The following RAB24 variants were observed in gnomAD, a reference collection of about 807,000 sequenced individuals.
RAB24 encodes ras-related protein Rab-24.
In RAB24, 9 loss-of-function variants were observed where a neutral mutation model predicts 31.4. That is an observed-to-expected ratio of 0.29 (90% confidence interval 0.17 to 0.50). RAB24 has a LOEUF of 0.50. Ranked by LOEUF, RAB24 falls within the 20% of genes least tolerant of loss-of-function variation. RAB24 has a pLI of 0.98. For missense variants in RAB24, 197 were observed against 265.2 expected, an observed-to-expected ratio of 0.74 and a Z score of 1.79; for synonymous variants, 106 against 94.1, an observed-to-expected ratio of 1.13 and a Z score of -0.73.
chr5:177,303,080 G>A lies in RAB24; in HGVS notation c.118-3C>T. On this transcript the variant is annotated splice_polypyrimidine_tract_variant and splice_region_variant and intron_variant, in intron 1 of 7. Coordinates refer to ENST00000303251, the MANE Select transcript of RAB24 (RefSeq NM_001031677.4). The surrounding 1 kb of genome is among the most constrained non-coding windows in gnomAD (Gnocchi z 6.1). ...GCCACGAAGGCGGCCCCGATGGTCT[G>A]CAACGAGAGGGAAGAGATCGGGGCC... The A allele has an allele frequency of 6.2e-7, 1 of 1,614,054 alleles. No homozygotes were observed. Among genetic ancestry groups the A allele is most frequent in the Non-Finnish European group, 8.5e-7 (1 of 1,180,030 alleles).
rs1161676968 is a variant in RAB24, at chr5:177,301,920, C to T, written c.547+5G>A. On this transcript the variant is annotated splice_donor_5th_base_variant and intron_variant, in intron 7 of 7. Coordinates refer to ENST00000303251, the MANE Select transcript of RAB24 (RefSeq NM_001031677.4). ...AGTCTCCATAAAGGCTGGGGAAGCA[C>T]ACACCTGTCATCACCTGGAAGGCAG... The T allele has an allele frequency of 6.2e-7, 1 of 1,614,144 alleles. No homozygotes were observed. The highest frequency in any genetic ancestry group is 8.5e-7 in the Non-Finnish European group (1 of 1,179,962).
Position 177,301,681 on chromosome 5 carries a change from G to A in RAB24, c.*62C>T. ...ACATTTGACTACCCAAGCCCAGAAA[G>A]GAGCTGGGTCCAGCCCTTACGGGGA... is the stretch of plus-strand genomic sequence containing the variant. On this transcript the variant is annotated 3_prime_UTR_variant, in exon 8 of 8. Transcript: ENST00000303251. 1.9e-6 allele frequency: 3 copies of A among 1,586,254 alleles called. No individual in the cohort carries two copies. Among genetic ancestry groups the A allele is most frequent in the Non-Finnish European group, 2.6e-6 (3 of 1,155,398 alleles).
chr5:177,301,686 TGGGTCCAGC>T lies in RAB24; in HGVS notation c.*48_*56del. The T allele has an allele frequency of 6.3e-7, 1 of 1,593,734 alleles. No individual in the cohort carries two copies. Among genetic ancestry groups the T allele is most frequent in the Non-Finnish European group, 8.6e-7 (1 of 1,161,896 alleles). The stretch of plus-strand genomic sequence containing the variant: ...TGACTACCCAAGCCCAGAAAGGAGC[TGGGTCCAGC>T]CCTTACGGGGAATTCCTTTAATTCC... On this transcript the variant is annotated 3_prime_UTR_variant, in exon 8 of 8. Coordinates refer to ENST00000303251, the MANE Select transcript of RAB24 (RefSeq NM_001031677.4).
Position 177,302,801 on chromosome 5 carries a change from G to C in RAB24, c.216C>G (p.Ala72=). Residue 72 remains alanine (A), a synonymous_variant, in exon 3 of 8, where the codon GCC becomes GCG. Transcript: ENST00000303251. ...CACCCCGATAGTAGATTCTACTCAT[G>C]GCCTCATAGCGCTCAGAGCCTGCTG... is the stretch of plus-strand genomic sequence containing the variant. ...WDTAGSERYE[A]MSRIYYRGAK... 1 of 1,611,222 alleles carries C rather than the reference G, an allele frequency of 6.2e-7. No individual in the cohort carries two copies. The highest frequency in any genetic ancestry group is 8.5e-7 in the Non-Finnish European group (1 of 1,179,666).
In RAB24 at chr5:177,303,383, A is replaced by C; in HGVS notation, c.-95T>G. On this transcript the variant is annotated 5_prime_UTR_variant, in exon 1 of 8. Coordinates refer to ENST00000303251, the MANE Select transcript of RAB24 (RefSeq NM_001031677.4). The surrounding 1 kb of genome is among the most constrained non-coding windows in gnomAD (Gnocchi z 6.1). ...GGCCCAGGCAGCGCCCAAGCCTCAG[A>C]CCCCGACCCCAAACGGCGCCAACCT... 3 of 1,236,040 alleles carry C rather than the reference A, an allele frequency of 2.4e-6. No individual in the cohort carries two copies. In the East Asian group the frequency reaches 7.0e-5, roughly 29 times the overall value. 76.6% of individuals were successfully genotyped at this position (1,236,040 alleles called of 1,614,324 possible).
Position 177,303,144 on chromosome 5 carries a change from C to T in RAB24, c.117+28G>A. ...ACCGGCCCCCCACTCCCCCGCCCAC[C>T]GTGCCTGGCCCCTCCGGATGCACTC... On this transcript the variant is annotated intron_variant, in intron 1 of 7. Coordinates refer to ENST00000303251, the MANE Select transcript of RAB24 (RefSeq NM_001031677.4). This position sits in a 1 kb window ranked among gnomAD's most constrained non-coding sequence, Gnocchi z 6.1. 1 of 1,613,408 alleles carries T rather than the reference C, an allele frequency of 6.2e-7. No individual in the cohort carries two copies. The highest frequency in any genetic ancestry group is 8.5e-7 in the Non-Finnish European group (1 of 1,179,768).
chr5:177,302,465 C>T lies in RAB24; in HGVS notation c.365G>A (p.Ser122Asn), dbSNP rs1460823901. 2 of 1,614,028 alleles carry T rather than the reference C, an allele frequency of 1.2e-6. No individual in the cohort carries two copies. The highest frequency in any genetic ancestry group is 1.7e-6 in the Non-Finnish European group (2 of 1,180,048). Residue 122 changes from serine (S) to asparagine (N), a missense_variant, in exon 5 of 8, where the codon AGT becomes AAT. Coordinates refer to ENST00000303251, the MANE Select transcript of RAB24 (RefSeq NM_001031677.4). Reference sequence around the variant, plus strand: ...CCTCCGGTCTTCTTCCAGCAGGTCACTCTTGGTGCCACATAAGTAGATTTG... The same window carrying T: ...CCTCCGGTCTTCTTCCAGCAGGTCATTCTTGGTGCCACATAAGTAGATTTG... ...GCQIYLCGTK[S>N]DLLEEDRRRR... is the part of the protein sequence containing the mutation.
In RAB24 at chr5:177,302,430, C is replaced by A; in HGVS notation, c.400G>T (p.Val134Leu). Residue 134 changes from valine to leucine, a missense_variant, in exon 5 of 8, where the codon GTG becomes TTG. Transcript: ENST00000303251. The stretch of plus-strand genomic sequence containing the variant: ...TAGTCCTGGACGTCGTGGAAGTCCA[C>A]ACGTCGACGCCTCCGGTCTTCTTCC... ...LLEEDRRRRR[V>L]DFHDVQDYAD... 4 of 1,613,666 alleles carry A rather than the reference C, an allele frequency of 2.5e-6. No individual in the cohort carries two copies. Among genetic ancestry groups the A allele is most frequent in the Non-Finnish European group, 3.4e-6 (4 of 1,180,030 alleles).
At chr5:177,301,886 C>T in intron 7 of RAB24, 39 bp downstream of exon 7, 1 of 1,612,892 alleles carries the variant, frequency 6.2e-7, no homozygotes, top group Non-Finnish European at 8.5e-7. Flanking sequence ...ATGCTGTGGG[C>T]CTAGAGTAAG....
At position 177,302,120 on chromosome 5, in the gene RAB24, G is replaced by A. The variant is rs775060364; in HGVS notation, c.484+8C>T. ...GTTCCTGCTGTGAGGCTCCAGCACA[G>A]CACTCACCCACACTCTGGCCTGTCT... On this transcript the variant is annotated splice_region_variant and intron_variant, in intron 6 of 7. Coordinates refer to ENST00000303251, the MANE Select transcript of RAB24 (RefSeq NM_001031677.4). 4.3e-6 allele frequency: 7 copies of A among 1,614,060 alleles called. No homozygotes were observed. Among genetic ancestry groups the A allele is most frequent in the Non-Finnish European group, 5.1e-6 (6 of 1,179,904 alleles).
chr5:177,302,203 T>C, intron 5 of RAB24, 25 bp from the exon 6 acceptor site: 1 of 1,612,784 alleles, frequency 6.2e-7, no homozygotes, highest in Non-Finnish European at 8.5e-7. Context: ...GACTAAAGCC[T>C]CATACCTGAG....
rs374815400 is a variant in RAB24 at position 177,302,680 on chromosome 5, C to T, written c.266-36G>A. 1.2e-5 allele frequency: 19 copies of T among 1,613,590 alleles called. No homozygotes were observed. In the African/African-American group the frequency reaches 2.3e-4, roughly 19 times the overall value. ...GGCATGCAGGAGACAACCAAGTGGT[C>T]AAGGGCTGTTCTCTGGCTAGCCTGG... On this transcript the variant is annotated intron_variant, in intron 3 of 7. Coordinates refer to ENST00000303251, the MANE Select transcript of RAB24 (RefSeq NM_001031677.4).
At position 177,301,983 on chromosome 5, in the gene RAB24, C is replaced by T; in HGVS notation, c.489G>A (p.Glu163=). 3 of 1,614,198 alleles carry T rather than the reference C, an allele frequency of 1.9e-6. No homozygotes were observed. Among genetic ancestry groups the T allele is most frequent in the African/African-American group, 1.3e-5 (1 of 75,050 alleles). The part of the protein sequence containing the change: ...TSSKTGQSVD[E]LFQKVAEDYV... Reference sequence around the variant, plus strand: ...AATCCTCTGCCACTTTCTGGAAGAGCTCGTCTGGCAGGAAAAATGATGATC... The same window carrying T: ...AATCCTCTGCCACTTTCTGGAAGAGTTCGTCTGGCAGGAAAAATGATGATC... Residue 163 remains glutamate (E), a synonymous_variant, in exon 7 of 8, where the codon GAG becomes GAA. Transcript: ENST00000303251.
intron 4 of RAB24, 25 bp downstream of exon 4, chr5:177,302,552 G>C: frequency 1.2e-6 from 2 of 1,614,126 alleles, no homozygotes; most frequent in Non-Finnish European, 1.7e-6. Flanking sequence ...AGCCCCTAGT[G>C]TTCTAGTGAG....
In RAB24 at chr5:177,302,572, C is replaced by T; in HGVS notation, c.333+5G>A. 1 of 1,614,224 alleles carries T rather than the reference C, an allele frequency of 6.2e-7. No individual in the cohort carries two copies. Among genetic ancestry groups the T allele is most frequent in the Non-Finnish European group, 8.5e-7 (1 of 1,180,038 alleles). On this transcript the variant is annotated splice_donor_5th_base_variant and intron_variant, in intron 4 of 7. Transcript: ENST00000303251. ...CTAGTGTTCTAGTGAGGTCTGTTCA[C>T]CTACCTCCTCTAGGCTGCGCAGTTC...
In RAB24 at chr5:177,303,527, TC is replaced by T; in HGVS notation, c.-240del. The stretch of plus-strand genomic sequence containing the variant: ...GATTATCCTTCGAAGACCCCAAGCC[TC>T]GGGGCGGCCTGGGAGCGCGCGGGAC... On this transcript the variant is annotated 5_prime_UTR_variant, in exon 1 of 8. Coordinates refer to ENST00000303251, the MANE Select transcript of RAB24 (RefSeq NM_001031677.4). This position sits in a 1 kb window ranked among gnomAD's most constrained non-coding sequence, Gnocchi z 6.1. The T allele has an allele frequency of 1.7e-6, 1 of 584,040 alleles. No homozygotes were observed. Among genetic ancestry groups the T allele is most frequent in the South Asian group, 2.0e-5 (1 of 49,362 alleles). The allele number at this position is 584,040 out of a possible 1,614,324, so 36.2% of individuals were successfully genotyped here.
At position 177,301,358 on chromosome 5, in the gene RAB24, G is replaced by C. The variant is rs1292429791; in HGVS notation, c.*385C>G. The C allele has an allele frequency of 4.6e-6, 1 of 216,798 alleles. No homozygotes were observed. Among genetic ancestry groups the C allele is most frequent in the Admixed American group, 5.2e-5 (1 of 19,290 alleles). The allele number at this position is 216,798 out of a possible 1,614,324, so 13.4% of individuals were successfully genotyped here. A position where few individuals can be genotyped will look rare whatever the true frequency, so the allele number is the denominator to read the frequency against. On this transcript the variant is annotated 3_prime_UTR_variant, in exon 8 of 8. Transcript: ENST00000303251. ...TCCAAAGGAAAATGAGAGTTGGGAG[G>C]AGCCTTAATATAAGCAGTGAGGCCA... is the stretch of plus-strand genomic sequence containing the variant.
chr5:177,302,553 T>C, intron 4 of RAB24, 24 bp downstream of exon 4: 1 of 1,614,082 alleles, frequency 6.2e-7, no homozygotes, highest in Non-Finnish European at 8.5e-7. Context: ...GCCCCTAGTG[T>C]TCTAGTGAGG....
In RAB24 at chr5:177,301,218, CT is replaced by C; in HGVS notation, c.*524del. On this transcript the variant is annotated 3_prime_UTR_variant, in exon 8 of 8. Coordinates refer to ENST00000303251, the MANE Select transcript of RAB24 (RefSeq NM_001031677.4). Reference sequence around the variant, plus strand: ...CTGTCTCAGGTAGGAATGCTTGACCCTTTTATTTCGAAGCAACTCATGCACT... The same window carrying C: ...CTGTCTCAGGTAGGAATGCTTGACCCTTTATTTCGAAGCAACTCATGCACT... The C allele has an allele frequency of 6.1e-6, 1 of 164,456 alleles. No individual in the cohort carries two copies. The highest frequency in any genetic ancestry group is 1.4e-5 in the Non-Finnish European group (1 of 74,042). The allele number at this position is 164,456 out of a possible 1,614,324, so 10.2% of individuals were successfully genotyped here. A position where few individuals can be genotyped will look rare whatever the true frequency, so the allele number is the denominator to read the frequency against.
Sources: gnomAD v4.1 joint callset for allele counts on GRCh38, gnomAD v4.1.1 for gene constraint, Gnocchi (gnomAD v3.1) non-coding constraint, MANE v1.5 for transcripts, NCBI Gene and HGNC (gene_info 2026-07-23, HGNC 2026-07-21) for gene names.